The following ANK3 variants were observed in gnomAD, a reference collection of about 807,000 sequenced individuals.
ANK3 encodes the protein ankyrin-3.
In ANK3, 57 loss-of-function variants were observed where a neutral mutation model predicts 370.9. The observed-to-expected ratio is 0.15, with a 90% CI of 0.12 to 0.19. The LOEUF is 0.19. Ranked by LOEUF, ANK3 falls within the 10% of genes least tolerant of loss-of-function variation. The probability of loss-of-function intolerance (pLI) is 1.00; values close to 1 mark genes in which losing one functional copy is unlikely to be tolerated. For missense variants in ANK3, 4,439 were observed against 5,302.1 expected, an observed-to-expected ratio of 0.84 and a Z score of 5.06; for synonymous variants, 1,929 against 1,946.3, an observed-to-expected ratio of 0.99 and a Z score of 0.23.
intron 16 of ANK3, among the ~76,000 whole-genome samples, chr10:60,194,601 T>A (rs2096554218): frequency 6.6e-6 from 1 of 152,238 alleles, no homozygotes; most frequent in Non-Finnish European, 1.5e-5. Flanking sequence ...TTTTAAAGAC[T>A]AAATAATATT....
At chr10:60,585,596 G>C (rs929325032) in intron 2 of ANK3, among the ~76,000 whole-genome samples, 1 of 152,192 alleles carries the variant, frequency 6.6e-6, no homozygotes, top group Non-Finnish European at 1.5e-5. Context: ...CTAAATGAGA[G>C]ATATAGCCAA....
At chr10:60,203,490 A>C (rs953929326) in intron 11 of ANK3, among the ~76,000 whole-genome samples, 1 of 152,220 alleles carries the variant, frequency 6.6e-6, no homozygotes, top group Admixed American at 6.5e-5. Context: ...CATACTAGTA[A>C]AAAGTCAACT....
intron 2 of ANK3, among the ~76,000 whole-genome samples, chr10:60,398,562 GATC>G (rs1045399019): frequency 1.6e-4 from 25 of 152,154 alleles, no homozygotes; most frequent in African/African-American, 5.8e-4. Flanking sequence ...ATTTGAACAT[GATC>G]ACTGACATTT....
At chr10:60,094,724 GTAGGTAAGTGTGAA>G (rs2089704590) in intron 28 of ANK3, among the ~76,000 whole-genome samples, 2 of 92,104 alleles carry the variant, frequency 2.2e-5, no homozygotes. Context: ...GACATAGATA[GTAGGTAAGTGTGAA>G]AAGGCAAAAG....
At chr10:60,385,785 T>C (rs1382809527) in intron 1 of ANK3, among the ~76,000 whole-genome samples, 1 of 152,184 alleles carries the variant, frequency 6.6e-6, no homozygotes, top group Non-Finnish European at 1.5e-5. Flanking sequence ...CCTTTTTTAA[T>C]ATAAATTTCA....
At chr10:60,488,321 G>A (rs1012052900) in intron 2 of ANK3, among the ~76,000 whole-genome samples, 9 of 152,104 alleles carry the variant, frequency 5.9e-5, no homozygotes, top group Non-Finnish European at 8.8e-5. Context: ...CTGGAAGAAT[G>A]GGAAGGTGAA....
At chr10:60,058,199 T>G (rs1564671282) in intron 41 of ANK3, among the ~76,000 whole-genome samples, 3 of 152,230 alleles carry the variant, frequency 2.0e-5, no homozygotes, top group Non-Finnish European at 4.4e-5. Context: ...TATTCTTATA[T>G]TTAAAGATAA....
chr10:60,618,999 T>C (rs1595355312), intron 1 of ANK3, among the ~76,000 whole-genome samples: 1 of 152,076 alleles, frequency 6.6e-6, no homozygotes, highest in South Asian at 2.1e-4. Flanking sequence ...AAGTTGACCC[T>C]ATAGTGGTTC....
At chr10:60,240,307 T>TATATATA (rs1491120014) in intron 7 of ANK3, among the ~76,000 whole-genome samples, 13 of 48,362 alleles carry the variant, frequency 2.7e-4, no homozygotes, top group East Asian at 2.6e-3. Context: ...TATATATATA[T>TATATATA]TTTTTTTTCT....
chr10:60,367,889 A>C (rs1038785977), intron 1 of ANK3, among the ~76,000 whole-genome samples: 1 of 152,160 alleles, frequency 6.6e-6, no homozygotes, highest in Non-Finnish European at 1.5e-5. Flanking sequence ...CAATATTAAA[A>C]TGTTTCAGTC....
chr10:60,598,227 C>G (rs1051688247), intron 2 of ANK3, among the ~76,000 whole-genome samples: 1 of 152,194 alleles, frequency 6.6e-6, no homozygotes, highest in African/African-American at 2.4e-5. Context: ...CCCTAATAAT[C>G]AGACAAGAGC....
chr10:60,660,366 A>G (rs1036722319), intron 1 of ANK3, among the ~76,000 whole-genome samples: 8 of 152,214 alleles, frequency 5.3e-5, no homozygotes, highest in African/African-American at 1.4e-4. Flanking sequence ...TCTCCCCTCA[A>G]TCAGGTGAGA....
intron 8 of ANK3, among the ~76,000 whole-genome samples, chr10:60,214,067 T>A (rs1288801907): frequency 6.6e-6 from 1 of 152,184 alleles, no homozygotes; most frequent in Non-Finnish European, 1.5e-5. Flanking sequence ...TGGATTATTA[T>A]AATTATTTGA....
At chr10:60,358,098 A>G (rs1028014738) in intron 1 of ANK3, among the ~76,000 whole-genome samples, 9 of 26,222 alleles carry the variant, frequency 3.4e-4, no homozygotes, top group African/African-American at 1.1e-3. Flanking sequence ...ATGCATATGT[A>G]TACACACACA....
chr10:60,684,885 C>A, intron 1 of ANK3: 1 of 1,490,786 alleles, frequency 6.7e-7, no homozygotes, highest in South Asian at 1.2e-5. Flanking sequence ...ATCAAGGAGT[C>A]CCTGTACTTA....
intron 2 of ANK3, among the ~76,000 whole-genome samples, chr10:60,575,932 C>T (rs1290152999): frequency 1.3e-5 from 2 of 152,118 alleles, no homozygotes; most frequent in South Asian, 4.2e-4. Context: ...CAAAGGTGTG[C>T]CAGTGCATTT....
At chr10:60,501,153 A>C (rs1321156130) in intron 2 of ANK3, among the ~76,000 whole-genome samples, 1 of 152,146 alleles carries the variant, frequency 6.6e-6, no homozygotes, top group Non-Finnish European at 1.5e-5. Context: ...CATAACCCTG[A>C]GAGCTTTTGA....
At chr10:60,381,741 A>T (rs549238771) in intron 1 of ANK3, among the ~76,000 whole-genome samples, 1 of 152,298 alleles carries the variant, frequency 6.6e-6, no homozygotes, top group South Asian at 2.1e-4. Flanking sequence ...ATTTATTTGC[A>T]GTATCTCTAC....
At chr10:60,551,569 G>C (rs1223019606) in intron 2 of ANK3, among the ~76,000 whole-genome samples, 1 of 152,096 alleles carries the variant, frequency 6.6e-6, no homozygotes, top group African/African-American at 2.4e-5. Flanking sequence ...GATTTGAAGT[G>C]TTATTTACTA....
Sources: allele counts gnomAD v4.1 joint callset (sites outside exome capture counted in the v4.1 genomes callset), GRCh38; gene constraint gnomAD v4.1.1; transcripts MANE v1.5; gene names NCBI Gene and HGNC (gene_info 2026-07-23, HGNC 2026-07-21).